The following FSTL5 variants were observed in gnomAD, a reference collection of about 807,000 sequenced individuals.
FSTL5 encodes the protein follistatin-related protein 5.
A neutral mutation model predicts 89.1 loss-of-function variants in FSTL5; 62 were observed. The ratio of observed to expected loss-of-function variants is 0.70; its 90% CI spans 0.57 to 0.86. The LOEUF (loss-of-function observed/expected upper bound fraction) is 0.86. FSTL5 is among the 40% of genes least tolerant of loss of function. The pLI is 0.00. For missense variants in FSTL5, 1,057 were observed against 1,001.6 expected (o/e 1.06, Z -0.75); for synonymous variants, 383 against 346.2 (o/e 1.11, Z -1.18).
chr4:161,633,415 C>T (rs990387644), intron 7 of FSTL5, among the ~76,000 whole-genome samples: 9 of 151,630 alleles, frequency 5.9e-5, no homozygotes, highest in East Asian at 1.9e-4. Context: ...GGCGCGATCG[C>T]GGCTCACTGC....
chr4:162,111,482 A>G, intron 1 of FSTL5, 70 bp from the exon 2 acceptor site: 2 of 1,195,334 alleles, frequency 1.7e-6, no homozygotes, highest in Non-Finnish European at 2.3e-6. Flanking sequence ...ATCATGAAAT[A>G]TTTAATATCA....
At chr4:161,661,700 T>A (rs1051376913) in intron 6 of FSTL5, among the ~76,000 whole-genome samples, 1 of 152,192 alleles carries the variant, frequency 6.6e-6, no homozygotes, top group Non-Finnish European at 1.5e-5. Flanking sequence ...ATGCTTAGAA[T>A]CTTCGAGACT....
rs78371947 is a variant in FSTL5 at position 161,407,499 on chromosome 4, G to T, written c.1842-21050C>A. Among the ~76,000 whole-genome samples, 491 of 152,282 alleles carry T rather than the reference G, an allele frequency of 3.2e-3. 13 individuals are homozygous for T. In the East Asian group the frequency reaches 0.055, roughly 17 times the overall value. On this transcript the variant is annotated intron_variant, in intron 15 of 15. Transcript: ENST00000306100. ...CCCTCCCCAACAGTGCCTGGAAAAG[G>T]GGTGAGTGAAGGAAATGGAGGATTG...
chr4:161,569,056 T>C (rs973766236), intron 8 of FSTL5, among the ~76,000 whole-genome samples: 7 of 152,184 alleles, frequency 4.6e-5, no homozygotes, highest in Admixed American at 3.3e-4. Flanking sequence ...AAAGATTATA[T>C]ATTGTATTAT....
intron 6 of FSTL5, among the ~76,000 whole-genome samples, chr4:161,690,731 G>A (rs1036298342): frequency 6.6e-6 from 1 of 152,004 alleles, no homozygotes; most frequent in African/African-American, 2.4e-5. Flanking sequence ...GGGGTTTGTT[G>A]TACAGATTAT....
At chr4:161,563,228 T>C (rs1160765303) in intron 8 of FSTL5, among the ~76,000 whole-genome samples, 1 of 152,076 alleles carries the variant, frequency 6.6e-6, no homozygotes, top group East Asian at 1.9e-4. Context: ...TTCCATATTT[T>C]AGCTATTGTA....
intron 12 of FSTL5, 43 bp from the exon 13 acceptor site, chr4:161,481,212 A>G (rs748350334): frequency 6.7e-7 from 1 of 1,482,612 alleles, no homozygotes; most frequent in South Asian, 1.2e-5. Flanking sequence ...ACCTTAAATT[A>G]TAACACATGC....
intron 15 of FSTL5, among the ~76,000 whole-genome samples, chr4:161,407,538 T>C (rs904973228): frequency 6.6e-6 from 1 of 152,166 alleles, no homozygotes; most frequent in African/African-American, 2.4e-5. Context: ...ACTCTCACTG[T>C]GGACCTCTGG....
Position 161,983,468 on chromosome 4 carries a change from G to A in FSTL5, c.160+50157C>T, listed in dbSNP as rs117109676. On this transcript the variant is annotated intron_variant, in intron 3 of 15. Transcript: ENST00000306100. Reference sequence around the variant, plus strand: ...AATACGGACTGCTGGCAGACAGCAAGAACAACTTGTATTTCCTGCTAACCC... The same window carrying A: ...AATACGGACTGCTGGCAGACAGCAAAAACAACTTGTATTTCCTGCTAACCC... Among the ~76,000 whole-genome samples, 172 of 152,270 alleles carry A rather than the reference G, an allele frequency of 1.1e-3. 1 individual carries two copies. In the South Asian group the frequency reaches 0.017, roughly 15 times the overall value.
At chr4:161,700,189 A>G (rs1738338249) in intron 6 of FSTL5, among the ~76,000 whole-genome samples, 2 of 152,302 alleles carry the variant, frequency 1.3e-5, no homozygotes, top group South Asian at 2.1e-4. Flanking sequence ...TTATGCTGAC[A>G]AGGTGGTCTA....
intron 7 of FSTL5, among the ~76,000 whole-genome samples, chr4:161,643,917 G>A (rs1736050986): frequency 6.6e-6 from 1 of 152,132 alleles, no homozygotes; most frequent in African/African-American, 2.4e-5. Context: ...ACCATTACGT[G>A]ACTTGTTATT....
At chr4:161,603,534 A>G (rs1734327390) in intron 7 of FSTL5, among the ~76,000 whole-genome samples, 1 of 152,148 alleles carries the variant, frequency 6.6e-6, no homozygotes, top group African/African-American at 2.4e-5. Flanking sequence ...TGGCACCCTA[A>G]TCTGAGATTT....
At chr4:161,915,121 G>A (rs972234896) in intron 4 of FSTL5, among the ~76,000 whole-genome samples, 1 of 151,996 alleles carries the variant, frequency 6.6e-6, no homozygotes, top group African/African-American at 2.4e-5. Flanking sequence ...GAATGTTGAT[G>A]GGCCATTTTT....
At chr4:161,744,692 C>T (rs1740134032) in intron 6 of FSTL5, among the ~76,000 whole-genome samples, 1 of 152,054 alleles carries the variant, frequency 6.6e-6, no homozygotes, top group Non-Finnish European at 1.5e-5. Flanking sequence ...ACCCTGAAAT[C>T]ATGTCTCAGC....
chr4:161,789,465 G>A (rs543447007), intron 4 of FSTL5, among the ~76,000 whole-genome samples: 23 of 152,120 alleles, frequency 1.5e-4, no homozygotes, highest in Admixed American at 2.0e-4. Flanking sequence ...ATAGATGTGC[G>A]AACGAATTCT....
intron 13 of FSTL5, among the ~76,000 whole-genome samples, chr4:161,477,815 A>G (rs188223222): frequency 1.3e-5 from 2 of 152,220 alleles, no homozygotes; most frequent in Admixed American, 6.5e-5. Flanking sequence ...AAAGTAAAAT[A>G]ATAAACAAAA....
chr4:161,698,290 A>AAAAC (rs1001865191), intron 6 of FSTL5, among the ~76,000 whole-genome samples: 5 of 152,168 alleles, frequency 3.3e-5, no homozygotes, highest in African/African-American at 4.8e-5. Flanking sequence ...GTTTAGGCCT[A>AAAAC]AAACAAACAA....
intron 6 of FSTL5, among the ~76,000 whole-genome samples, chr4:161,740,712 GTGAT>G (rs5863479): frequency 0.55 from 84,109 of 151,692 alleles, 26,648 homozygotes; most frequent in Non-Finnish European, 0.71. Context: ...TTGGAATTCA[GTGAT>G]TGATTGTTGT....
rs180866846 is a variant in FSTL5 at position 162,099,829 on chromosome 4, A to C, written c.126+11442T>G. The stretch of plus-strand genomic sequence containing the variant: ...AAATACATTTTCTGTTTTCATAGAT[A>C]TTAAACATCATATGTCATTAGGGAA... On this transcript the variant is annotated intron_variant, in intron 2 of 15. Transcript: ENST00000306100. 3.3e-5 allele frequency among the ~76,000 whole-genome samples: 5 copies of C among 152,338 alleles called. No individual in the cohort carries two copies. The East Asian group carries it at 9.6e-4, about 29-fold the overall frequency.
Sources: gnomAD v4.1 joint callset for allele counts (sites outside exome capture counted in the v4.1 genomes callset) on GRCh38, gnomAD v4.1.1 for gene constraint, MANE v1.5 for transcripts, NCBI Gene and HGNC (gene_info 2026-07-23, HGNC 2026-07-21) for gene names.